The following PAFAH1B1 variants were observed in gnomAD, a reference collection of about 807,000 sequenced individuals.
The protein encoded by PAFAH1B1 is platelet-activating factor acetylhydrolase IB subunit beta.
PAFAH1B1 carries 2 observed loss-of-function variants against 57.5 expected under a neutral mutation model. The observed-to-expected ratio is 0.03, with a 90% CI of 0.01 to 0.11. The LOEUF (loss-of-function observed/expected upper bound fraction) is 0.11. Among genes scored for constraint, PAFAH1B1 ranks in the 10% least tolerant of loss-of-function variants. PAFAH1B1 has a pLI of 1.00. For synonymous variants in PAFAH1B1, 152 were observed against 169.6 expected (o/e 0.90, Z 0.81); for missense variants, 257 against 512.0 (o/e 0.50, Z 4.81).
intron 1 of PAFAH1B1, among the ~76,000 whole-genome samples, chr17:2,595,994 G>C (rs2068080685): frequency 6.6e-6 from 1 of 152,142 alleles, no homozygotes. Flanking sequence ...TCTTTCTCTT[G>C]CTTATGTTTT....
chr17:2,647,943 G>A (rs1475515394), intron 2 of PAFAH1B1, among the ~76,000 whole-genome samples: 3 of 152,154 alleles, frequency 2.0e-5, no homozygotes, highest in African/African-American at 7.2e-5. Context: ...GGCAGAGTTT[G>A]CAGTGATCCG....
intron 3 of PAFAH1B1, 123 bp from the exon 4 acceptor site, chr17:2,665,893 C>A: frequency 9.5e-7 from 1 of 1,049,072 alleles, no homozygotes; most frequent in Non-Finnish European, 1.3e-6. Context: ...AGCCACCATG[C>A]CCAGCCACTC....
intron 2 of PAFAH1B1, among the ~76,000 whole-genome samples, chr17:2,653,325 C>T (rs747523080): frequency 5.9e-5 from 9 of 151,580 alleles, no homozygotes; most frequent in Admixed American, 1.3e-4. Flanking sequence ...ATGTAAATGA[C>T]GAGTTAATGG....
At chr17:2,661,481 G>A (rs1392591001) in intron 2 of PAFAH1B1, among the ~76,000 whole-genome samples, 1 of 152,138 alleles carries the variant, frequency 6.6e-6, no homozygotes, top group Non-Finnish European at 1.5e-5. Flanking sequence ...TAGATATGTG[G>A]TGTTATTTCT....
intron 1 of PAFAH1B1, among the ~76,000 whole-genome samples, chr17:2,601,330 G>A (rs1330454527): frequency 1.3e-5 from 2 of 151,108 alleles, no homozygotes; most frequent in African/African-American, 2.4e-5. Context: ...AGAGATGGGG[G>A]GTCTCTGTTG....
At chr17:2,675,788 C>T (rs760600184) in intron 8 of PAFAH1B1, among the ~76,000 whole-genome samples, 10 of 152,082 alleles carry the variant, frequency 6.6e-5, no homozygotes, top group Non-Finnish European at 1.3e-4. Flanking sequence ...CTGCAGTGAG[C>T]TATGATTGTT....
intron 10 of PAFAH1B1, chr17:2,680,719 A>G (rs2069370288): frequency 3.5e-6 from 1 of 287,618 alleles, no homozygotes; most frequent in Non-Finnish European, 6.8e-6. Context: ...TGATTTGAGT[A>G]AACATCCTCA....
chr17:2,594,131 C>G (rs977411259), intron 1 of PAFAH1B1, 125 bp downstream of exon 1: 3 of 395,960 alleles, frequency 7.6e-6, no homozygotes, highest in Non-Finnish European at 1.3e-5. Context: ...CTCCCCTCCC[C>G]CTGCCTCCGC....
intron 2 of PAFAH1B1, among the ~76,000 whole-genome samples, chr17:2,663,167 A>G (rs1178406494): frequency 3.3e-5 from 5 of 152,100 alleles, no homozygotes; most frequent in Non-Finnish European, 7.4e-5. Context: ...AGTCCCAGCT[A>G]CTGGGGAGGC....
rs1597503983 is a variant in PAFAH1B1 at position 2,595,603 on chromosome 17, T to G, written c.-191+1597T>G. Among the ~76,000 whole-genome samples, 4 of 152,248 alleles carry G rather than the reference T, an allele frequency of 2.6e-5. No individual in the cohort carries two copies. The East Asian group carries it at 7.7e-4, about 29-fold the overall frequency. On this transcript the variant is annotated intron_variant, in intron 1 of 10. Transcript: ENST00000397195. Reference sequence around the variant, plus strand: ...AGCTTTTAATCTCTAATGGGTGTCTTTTAGGACACAGTTTCACAAAATAAT... The same window carrying G: ...AGCTTTTAATCTCTAATGGGTGTCTGTTAGGACACAGTTTCACAAAATAAT...
chr17:2,676,456 T>C, intron 8 of PAFAH1B1, 49 bp from the exon 9 acceptor site: 2 of 1,141,920 alleles, frequency 1.8e-6, no homozygotes, highest in African/African-American at 1.5e-5. Flanking sequence ...TTAAAGTCCA[T>C]ACCTAACTTC....
chr17:2,663,790 C>T (rs185342467), intron 2 of PAFAH1B1, among the ~76,000 whole-genome samples: 130 of 151,952 alleles, frequency 8.6e-4, no homozygotes, highest in Admixed American at 1.8e-3. Flanking sequence ...CTTTGCCTCC[C>T]GGGTTCAAGC....
At chr17:2,595,162 TCTTTC>T (rs138918802) in intron 1 of PAFAH1B1, among the ~76,000 whole-genome samples, 3,338 of 152,250 alleles carry the variant, frequency 0.022, 114 homozygotes, top group African/African-American at 0.075. Context: ...CCCCCCTCCC[TCTTTC>T]CTTAAGTGGC....
chr17:2,652,416 A>G (rs1461700539), intron 2 of PAFAH1B1, among the ~76,000 whole-genome samples: 2 of 152,250 alleles, frequency 1.3e-5, no homozygotes, highest in Admixed American at 1.3e-4. Flanking sequence ...CTCCGTCTCA[A>G]ACAAAACAAA....
chr17:2,633,431 G>A (rs2068581201), intron 1 of PAFAH1B1, among the ~76,000 whole-genome samples: 1 of 150,786 alleles, frequency 6.6e-6, no homozygotes, highest in Non-Finnish European at 1.5e-5. Flanking sequence ...GCCTCCCAAA[G>A]TGCTGGGATT....
intron 1 of PAFAH1B1, among the ~76,000 whole-genome samples, chr17:2,603,087 C>T (rs926442695): frequency 1.3e-5 from 2 of 152,232 alleles, no homozygotes; most frequent in African/African-American, 2.4e-5. Flanking sequence ...TGTGATTCTA[C>T]TCCTGCTGTC....
intron 2 of PAFAH1B1, among the ~76,000 whole-genome samples, chr17:2,646,609 G>A (rs931917783): frequency 5.3e-5 from 8 of 152,012 alleles, no homozygotes; most frequent in South Asian, 2.1e-4. Flanking sequence ...CCAAGGTTGC[G>A]CACTCCAGCC....
At chr17:2,660,107 C>T (rs1342824698) in intron 2 of PAFAH1B1, among the ~76,000 whole-genome samples, 1 of 152,088 alleles carries the variant, frequency 6.6e-6, no homozygotes, top group East Asian at 1.9e-4. Flanking sequence ...GTTACCTTCC[C>T]AGAGCCTTCA....
At chr17:2,660,518 C>A (rs2069000688) in intron 2 of PAFAH1B1, among the ~76,000 whole-genome samples, 2 of 152,114 alleles carry the variant, frequency 1.3e-5, no homozygotes, top group Admixed American at 1.3e-4. Flanking sequence ...GTTTTCTGTT[C>A]CTGTGTTAGT....
Sources: gnomAD v4.1 joint callset for allele counts (sites outside exome capture counted in the v4.1 genomes callset) on GRCh38, gnomAD v4.1.1 for gene constraint, MANE v1.5 for transcripts, NCBI Gene and HGNC (gene_info 2026-07-23, HGNC 2026-07-21) for gene names.